The following CCDC6 variants were observed in gnomAD, a reference collection of about 807,000 sequenced individuals.
CCDC6 encodes coiled-coil domain-containing protein 6.
In CCDC6, 20 loss-of-function variants were observed where a neutral mutation model predicts 56.6. The ratio of observed to expected loss-of-function variants is 0.35; its 90% confidence interval spans 0.25 to 0.51. The LOEUF is 0.51. CCDC6 is among the 20% of genes least tolerant of loss of function. CCDC6 has a pLI of 0.95. For synonymous variants in CCDC6, 241 were observed against 234.4 expected (o/e 1.03, Z -0.26); for missense variants, 367 against 601.1 (o/e 0.61, Z 4.07).
chr10:59,857,337 GTTCTGACCCA>G (rs779916017), intron 1 of CCDC6, among the ~76,000 whole-genome samples: 6 of 152,212 alleles, frequency 3.9e-5, no homozygotes, highest in African/African-American at 1.4e-4. Flanking sequence ...AACACAGTTT[GTTCTGACCCA>G]CTGCTACCAT....
At chr10:59,866,932 T>C (rs2071182632) in intron 1 of CCDC6, among the ~76,000 whole-genome samples, 1 of 152,176 alleles carries the variant, frequency 6.6e-6, no homozygotes, top group African/African-American at 2.4e-5. Flanking sequence ...AAACTGAGGG[T>C]AACTAAATGT....
intron 2 of CCDC6, among the ~76,000 whole-genome samples, chr10:59,848,118 G>A (rs2071009044): frequency 6.6e-6 from 1 of 152,108 alleles, no homozygotes; most frequent in Non-Finnish European, 1.5e-5. Flanking sequence ...ATCCTGCCCA[G>A]GGCAGATTTC....
At chr10:59,865,515 T>C (rs1250947943) in intron 1 of CCDC6, among the ~76,000 whole-genome samples, 3 of 152,026 alleles carry the variant, frequency 2.0e-5, no homozygotes, top group Non-Finnish European at 4.4e-5. Context: ...CCACTGGCAG[T>C]TGATCTCCAT....
At chr10:59,891,842 A>G (rs1382019509) in intron 1 of CCDC6, among the ~76,000 whole-genome samples, 1 of 152,180 alleles carries the variant, frequency 6.6e-6, no homozygotes, top group Non-Finnish European at 1.5e-5. Context: ...ACCATCCCAA[A>G]AGTCAATACA....
chr10:59,810,131 A>T (rs943270394), intron 5 of CCDC6, among the ~76,000 whole-genome samples: 6 of 152,168 alleles, frequency 3.9e-5, no homozygotes, highest in Non-Finnish European at 2.9e-5. Flanking sequence ...AACTGTTGAG[A>T]GAGAGGTTCA....
At chr10:59,858,892 T>G (rs989571817) in intron 1 of CCDC6, among the ~76,000 whole-genome samples, 1 of 152,320 alleles carries the variant, frequency 6.6e-6, no homozygotes. Flanking sequence ...AGGAGGTTTA[T>G]AGACACTGTC....
At chr10:59,807,940 G>A (rs1397410511) in intron 5 of CCDC6, among the ~76,000 whole-genome samples, 1 of 152,120 alleles carries the variant, frequency 6.6e-6, no homozygotes, top group Non-Finnish European at 1.5e-5. Flanking sequence ...TTCTTTTCAC[G>A]AGAATAGACA....
intron 1 of CCDC6, among the ~76,000 whole-genome samples, chr10:59,884,830 G>A (rs146755072): frequency 1.3e-5 from 2 of 152,260 alleles, no homozygotes; most frequent in Admixed American, 6.5e-5. Context: ...TTGGGAGGCC[G>A]AGGCGGGCAG....
chr10:59,859,232 G>GTA (rs56005181), intron 1 of CCDC6, among the ~76,000 whole-genome samples: 22,536 of 150,712 alleles, frequency 0.15, 2,182 homozygotes, highest in Middle Eastern at 0.23. Context: ...GTGTGTGTGT[G>GTA]TGTGTATGAA....
Position 59,791,732 on chromosome 10 carries a change from GAA to G in CCDC6, c.*1183_*1184del, listed in dbSNP as rs772585016. 4 of 213,024 alleles carry G rather than the reference GAA, an allele frequency of 1.9e-5. No individual in the cohort carries two copies. The highest frequency in any genetic ancestry group is 3.8e-5 in the Non-Finnish European group (4 of 105,050). The allele number at this position is 213,024 out of a possible 1,614,324, so 13.2% of individuals were successfully genotyped here. A position where few individuals can be genotyped will look rare whatever the true frequency, so the allele number is the denominator to read the frequency against. The stretch of plus-strand genomic sequence containing the variant: ...AAAATTAAGATGTTGCACGTGTTAA[GAA>G]AAGAGTGACTCAGTGTTCCACTGCA... On this transcript the variant is annotated 3_prime_UTR_variant, in exon 9 of 9. Coordinates refer to ENST00000263102, the MANE Select transcript of CCDC6 (RefSeq NM_005436.5).
chr10:59,803,514 C>T (rs987757828), intron 7 of CCDC6, among the ~76,000 whole-genome samples: 5 of 152,184 alleles, frequency 3.3e-5, no homozygotes, highest in Admixed American at 2.6e-4. Context: ...TGCTTACCAG[C>T]AAGCACAAGA....
chr10:59,813,184 C>A (rs1406095338), intron 4 of CCDC6, among the ~76,000 whole-genome samples: 1 of 152,114 alleles, frequency 6.6e-6, no homozygotes, highest in Admixed American at 6.6e-5. Context: ...CATTTTCTTA[C>A]GGCTTTTGAT....
chr10:59,900,536 T>A (rs746802047), intron 1 of CCDC6, among the ~76,000 whole-genome samples: 10 of 152,206 alleles, frequency 6.6e-5, no homozygotes, highest in Non-Finnish European at 1.3e-4. Context: ...AGCAGGGCAT[T>A]CCAATCATGC....
intron 2 of CCDC6, among the ~76,000 whole-genome samples, chr10:59,850,784 T>C (rs1357467013): frequency 1.3e-5 from 2 of 152,128 alleles, no homozygotes; most frequent in African/African-American, 4.8e-5. Context: ...CATAGCATTA[T>C]TTAGAGGATG....
intron 7 of CCDC6, among the ~76,000 whole-genome samples, chr10:59,800,694 A>AT (rs1005212792): frequency 6.2e-5 from 9 of 145,006 alleles, no homozygotes; most frequent in African/African-American, 7.7e-5. Context: ...TGTACTATTG[A>AT]TTTTTTTTTT....
At position 59,827,962 on chromosome 10, in the gene CCDC6, T is replaced by G. The variant is rs996285004; in HGVS notation, c.582+4563A>C. On this transcript the variant is annotated intron_variant, in intron 3 of 8. Coordinates refer to ENST00000263102, the MANE Select transcript of CCDC6 (RefSeq NM_005436.5). ...CCACGTACCGTATGCCACTGTTGTC[T>G]TCTTCCCCATCAGATAATTTTCAGA... Among the ~76,000 whole-genome samples the G allele has an allele frequency of 4.8e-4, 73 of 152,230 alleles. 1 individual carries two copies. Among genetic ancestry groups the G allele is most frequent in the African/African-American group, 1.7e-3 (71 of 41,454 alleles).
At chr10:59,839,659 T>C (rs1352455673) in intron 2 of CCDC6, among the ~76,000 whole-genome samples, 2 of 152,208 alleles carry the variant, frequency 1.3e-5, no homozygotes, top group Non-Finnish European at 2.9e-5. Context: ...ATGTATTCAT[T>C]TACTTCCAAA....
intron 1 of CCDC6, among the ~76,000 whole-genome samples, chr10:59,869,429 G>GA (rs71006295): frequency 5.9e-4 from 61 of 103,120 alleles, no homozygotes; most frequent in Non-Finnish European, 1.0e-3. Flanking sequence ...ACAGAAAAAA[G>GA]AAAAAAAAAA....
intron 7 of CCDC6, among the ~76,000 whole-genome samples, chr10:59,796,338 A>G (rs1442975992): frequency 1.4e-5 from 2 of 143,932 alleles, no homozygotes; most frequent in African/African-American, 5.4e-5. Flanking sequence ...TTTTCTTGTA[A>G]ATTTGTTTGA....
Sources: allele counts gnomAD v4.1 joint callset (sites outside exome capture counted in the v4.1 genomes callset), GRCh38; gene constraint gnomAD v4.1.1; transcripts MANE v1.5; gene names NCBI Gene and HGNC (gene_info 2026-07-23, HGNC 2026-07-21).